The following NR3C2 variants were observed in gnomAD, a reference collection of about 807,000 sequenced individuals.
NR3C2 encodes the protein nuclear receptor subfamily 3 group C member 2, also known as mineralocorticoid receptor.
Under a neutral mutation model 86.4 loss-of-function variants are expected in NR3C2, and 15 were observed. The ratio of observed to expected loss-of-function variants is 0.17; its 90% confidence interval spans 0.12 to 0.27. The LOEUF is 0.27. Among genes scored for constraint, NR3C2 ranks in the 10% least tolerant of loss-of-function variants. The pLI, the probability that NR3C2 is intolerant of heterozygous loss-of-function variation, is 1.00. For synonymous variants in NR3C2, 458 were observed against 450.5 expected (o/e 1.02, Z -0.21); for missense variants, 960 against 1,195.6 (o/e 0.80, Z 2.91).
intron 2 of NR3C2, among the ~76,000 whole-genome samples, chr4:148,285,635 A>G (rs948465609): frequency 6.6e-6 from 1 of 152,202 alleles, no homozygotes; most frequent in Admixed American, 6.5e-5. Flanking sequence ...TGAACCCAGG[A>G]GGCAGAGGTT....
chr4:148,362,556 T>C (rs181843464), intron 2 of NR3C2, among the ~76,000 whole-genome samples: 11 of 152,230 alleles, frequency 7.2e-5, no homozygotes, highest in African/African-American at 2.2e-4. Flanking sequence ...TTCCATTCAC[T>C]TACGGAATTG....
At chr4:148,213,170 TAGG>T (rs892206887) in intron 3 of NR3C2, among the ~76,000 whole-genome samples, 3 of 151,558 alleles carry the variant, frequency 2.0e-5, no homozygotes, top group Admixed American at 1.3e-4. Flanking sequence ...CACACTTCTC[TAGG>T]AGGAGTCACA....
intron 2 of NR3C2, among the ~76,000 whole-genome samples, chr4:148,433,188 T>C (rs770052995): frequency 1.1e-4 from 17 of 152,102 alleles, no homozygotes; most frequent in Non-Finnish European, 2.1e-4. Context: ...GAAAACTACA[T>C]TTAAAATAGT....
chr4:148,216,084 C>T (rs1400163655), intron 3 of NR3C2, among the ~76,000 whole-genome samples: 1 of 152,094 alleles, frequency 6.6e-6, no homozygotes, highest in African/African-American at 2.4e-5. Context: ...AACTACTCAA[C>T]TATGTCATTA....
At position 148,154,749 on chromosome 4, in the gene NR3C2, G is replaced by A. The variant is rs1285656887; in HGVS notation, c.2167C>T (p.Leu723=). The A allele has an allele frequency of 1.2e-6, 2 of 1,611,480 alleles. No individual in the cohort carries two copies. The highest frequency in any genetic ancestry group is 1.7e-6 in the Non-Finnish European group (2 of 1,179,784). Residue 723 remains leucine (L), a synonymous_variant, in exon 5 of 9, where the codon CTG becomes TTG. Coordinates refer to ENST00000358102, the MANE Select transcript of NR3C2 (RefSeq NM_000901.5). The part of the protein sequence containing the change: ...PAKEPSVNTA[L]VPQLSTISRA... ...GAGATTGTGGAGAGCTGAGGAACCA[G>A]TGCTGTGTTGACCGAGGGTTCTTTT...
intron 2 of NR3C2, among the ~76,000 whole-genome samples, chr4:148,327,237 CTGATT>C (rs1471010578): frequency 6.6e-6 from 1 of 152,102 alleles, no homozygotes; most frequent in Non-Finnish European, 1.5e-5. Flanking sequence ...CAATGCAGCA[CTGATT>C]TGTCTGGAAA....
intron 6 of NR3C2, among the ~76,000 whole-genome samples, chr4:148,142,890 C>G (rs77899373): frequency 1.3e-5 from 2 of 152,132 alleles, no homozygotes; most frequent in African/African-American, 4.8e-5. Flanking sequence ...AAGTGTGTGG[C>G]GCATCCCCCT....
At chr4:148,163,136 A>G (rs944002907) in intron 4 of NR3C2, among the ~76,000 whole-genome samples, 4 of 152,218 alleles carry the variant, frequency 2.6e-5, no homozygotes, top group Non-Finnish European at 5.9e-5. Context: ...AGACATTAGG[A>G]GAATTTCCTC....
At chr4:148,228,530 A>G (rs1738297064) in intron 3 of NR3C2, among the ~76,000 whole-genome samples, 1 of 152,172 alleles carries the variant, frequency 6.6e-6, no homozygotes, top group African/African-American at 2.4e-5. Context: ...TTTAAGCTAT[A>G]TATATAAATA....
intron 3 of NR3C2, among the ~76,000 whole-genome samples, chr4:148,252,473 T>C (rs1739625692): frequency 6.6e-6 from 1 of 152,192 alleles, no homozygotes; most frequent in African/African-American, 2.4e-5. Flanking sequence ...CAGAACTAAG[T>C]ATTTTTCTCA....
intron 4 of NR3C2, among the ~76,000 whole-genome samples, chr4:148,179,739 A>G (rs1409690067): frequency 6.6e-6 from 1 of 151,878 alleles, no homozygotes; most frequent in Non-Finnish European, 1.5e-5. Flanking sequence ...TAAAAGAGAT[A>G]CAGCAAATTC....
intron 2 of NR3C2, among the ~76,000 whole-genome samples, chr4:148,315,778 C>T (rs982320104): frequency 1.3e-5 from 2 of 152,124 alleles, no homozygotes; most frequent in Admixed American, 6.5e-5. Flanking sequence ...TCAATCACTA[C>T]AATAAACCTT....
intron 2 of NR3C2, among the ~76,000 whole-genome samples, chr4:148,287,173 T>G (rs1258246222): frequency 6.6e-6 from 1 of 152,206 alleles, no homozygotes; most frequent in East Asian, 1.9e-4. Context: ...CTGTTAACTA[T>G]TTTTTTCTCT....
intron 2 of NR3C2, among the ~76,000 whole-genome samples, chr4:148,272,747 T>C (rs772444658): frequency 6.6e-6 from 1 of 152,182 alleles, no homozygotes; most frequent in Non-Finnish European, 1.5e-5. Flanking sequence ...AGTTAGGCTT[T>C]TGTCTTTGGC....
Position 148,351,841 on chromosome 4 carries a change from G to C in NR3C2, c.1757+83263C>G, listed in dbSNP as rs146008596. The stretch of plus-strand genomic sequence containing the variant: ...CTACAAGGTGACCCTAGATATTGTA[G>C]GTGGTATTACTGCCTCAAGAGTGAC... On this transcript the variant is annotated intron_variant, in intron 2 of 8. Coordinates refer to ENST00000358102, the MANE Select transcript of NR3C2 (RefSeq NM_000901.5). 5.3e-5 allele frequency among the ~76,000 whole-genome samples: 8 copies of C among 152,272 alleles called. 1 individual carries two copies. Among genetic ancestry groups the C allele is most frequent in the African/African-American group, 1.9e-4 (8 of 41,554 alleles).
intron 2 of NR3C2, among the ~76,000 whole-genome samples, chr4:148,357,321 G>A (rs1013537467): frequency 3.3e-5 from 5 of 152,020 alleles, no homozygotes; most frequent in African/African-American, 1.2e-4. Context: ...TATAATCCAA[G>A]ACAAACTCAT....
intron 8 of NR3C2, among the ~76,000 whole-genome samples, chr4:148,104,308 G>C (rs993001617): frequency 9.6e-6 from 1 of 104,664 alleles, no homozygotes; most frequent in East Asian, 4.5e-4. Flanking sequence ...TTCAAAAAGA[G>C]TGAGATTTGT....
At chr4:148,188,147 G>A (rs955870263) in intron 4 of NR3C2, among the ~76,000 whole-genome samples, 2 of 152,140 alleles carry the variant, frequency 1.3e-5, no homozygotes, top group Non-Finnish European at 2.9e-5. Context: ...ATCAGGTAAT[G>A]GGATGTCTCC....
chr4:148,349,811 A>G (rs1482087105), intron 2 of NR3C2, among the ~76,000 whole-genome samples: 1 of 152,170 alleles, frequency 6.6e-6, no homozygotes, highest in Non-Finnish European at 1.5e-5. Context: ...GTCTCCAGAA[A>G]AGTGTAAAAG....
Sources: gnomAD v4.1 joint callset for allele counts (sites outside exome capture counted in the v4.1 genomes callset) on GRCh38, gnomAD v4.1.1 for gene constraint, MANE v1.5 for transcripts, NCBI Gene and HGNC (gene_info 2026-07-23, HGNC 2026-07-21) for gene names.